Variants in KIAA1191 observed in about 807,000 individuals in gnomAD.
KIAA1191 encodes putative monooxygenase p33MONOX.
A neutral mutation model predicts 31.1 loss-of-function variants in KIAA1191; 22 were observed. The ratio of observed to expected loss-of-function variants is 0.71; its 90% CI spans 0.51 to 1.01. The LOEUF (loss-of-function observed/expected upper bound fraction) is 1.01, where lower values mean the gene tolerates loss of function less well. Ranked by LOEUF, KIAA1191 falls within the 50% of genes least tolerant of loss-of-function variation. The pLI is 0.00. For missense variants in KIAA1191, 319 were observed against 388.0 expected, an observed-to-expected ratio of 0.82 and a Z score of 1.49; for synonymous variants, 130 against 143.9, an observed-to-expected ratio of 0.90 and a Z score of 0.69.
chr5:176,350,968 A>G (rs1766940694), intron 5 of KIAA1191, among the ~76,000 whole-genome samples: 1 of 152,104 alleles, frequency 6.6e-6, no homozygotes, highest in Admixed American at 6.5e-5. Flanking sequence ...GTTATTCCTA[A>G]AGGGACAGCT....
intron 5 of KIAA1191, among the ~76,000 whole-genome samples, chr5:176,352,240 C>T (rs1282974004): frequency 1.3e-5 from 2 of 151,122 alleles, no homozygotes; most frequent in Non-Finnish European, 2.9e-5. Context: ...GAGCTTGAAA[C>T]AGTAACAGCA....
intron 1 of KIAA1191, among the ~76,000 whole-genome samples, chr5:176,360,574 G>C (rs1442016560): frequency 6.6e-6 from 1 of 152,006 alleles, no homozygotes. Context: ...ACCCAGGCGG[G>C]CAGATCACTT....
chr5:176,347,885 G>C, intron 8 of KIAA1191, 36 bp downstream of exon 8: 4 of 1,613,710 alleles, frequency 2.5e-6, no homozygotes, highest in Non-Finnish European at 2.5e-6. Flanking sequence ...TAAGATGTCT[G>C]CCATGCTGCT....
intron 3 of KIAA1191, among the ~76,000 whole-genome samples, chr5:176,358,641 G>C (rs1397604379): frequency 6.6e-6 from 1 of 152,070 alleles, no homozygotes; most frequent in African/African-American, 2.4e-5. Flanking sequence ...TTGAGCCCAG[G>C]AGGCGGAGGT....
At chr5:176,348,221 A>T (rs1561747871) in intron 7 of KIAA1191, 29 bp downstream of exon 7, 1 of 1,608,650 alleles carries the variant, frequency 6.2e-7, no homozygotes, top group Non-Finnish European at 8.5e-7. Context: ...AGCACGCAGG[A>T]ACTCGGAAGG....
Position 176,359,539 on chromosome 5 carries a change from T to C in KIAA1191, c.-31A>G. On this transcript the variant is annotated 5_prime_UTR_variant, in exon 3 of 9. Coordinates refer to ENST00000298569, the MANE Select transcript of KIAA1191 (RefSeq NM_020444.5). ...GACTGGGATCCAGGTGCTTTTTCTATACAGAATTCCGAGCTGAGTCCCTGC... is the reference window on the plus strand; with the variant it reads ...GACTGGGATCCAGGTGCTTTTTCTACACAGAATTCCGAGCTGAGTCCCTGC... 4 of 1,598,302 alleles carry C rather than the reference T, an allele frequency of 2.5e-6. No homozygotes were observed. The highest frequency in any genetic ancestry group is 3.4e-6 in the Non-Finnish European group (4 of 1,165,824).
intron 6 of KIAA1191, among the ~76,000 whole-genome samples, chr5:176,349,346 A>C (rs1766792398): frequency 6.6e-6 from 1 of 152,192 alleles, no homozygotes; most frequent in African/African-American, 2.4e-5. Flanking sequence ...GCAGTTTTTA[A>C]ACCTAGCCTG....
Position 176,347,528 on chromosome 5 carries a change from A to T in KIAA1191, c.*72T>A. 4 of 1,224,504 alleles carry T rather than the reference A, an allele frequency of 3.3e-6. No individual in the cohort carries two copies. The highest frequency in any genetic ancestry group is 4.4e-6 in the Non-Finnish European group (4 of 903,826). The allele number at this position is 1,224,504 out of a possible 1,614,324, so 75.9% of individuals were successfully genotyped here. A position where few individuals can be genotyped will look rare whatever the true frequency, so the allele number is the denominator to read the frequency against. The stretch of plus-strand genomic sequence containing the variant: ...TTAAGTTTTTAAATATACCTTTCCT[A>T]TGTCAAAGCCAAGGTAAAAGGGGAG... On this transcript the variant is annotated 3_prime_UTR_variant, in exon 9 of 9. Transcript: ENST00000298569.
chr5:176,351,077 T>C (rs1314299806), intron 5 of KIAA1191, among the ~76,000 whole-genome samples: 2 of 152,188 alleles, frequency 1.3e-5, no homozygotes, highest in Non-Finnish European at 2.9e-5. Context: ...ATGCAGTAGC[T>C]CACACCTGTA....
At chr5:176,356,002 C>G (rs1019215278) in intron 3 of KIAA1191, 7 of 430,444 alleles carry the variant, frequency 1.6e-5, no homozygotes, top group African/African-American at 1.4e-4. Context: ...TTTAGAGACA[C>G]AGTCTATGTT....
intron 5 of KIAA1191, 133 bp from the exon 6 acceptor site, chr5:176,350,870 C>T: frequency 9.2e-7 from 1 of 1,086,784 alleles, no homozygotes; most frequent in South Asian, 1.6e-5. Context: ...GGAGACTTTC[C>T]CCAGAGAGGC....
chr5:176,348,434 T>A, intron 6 of KIAA1191, 78 bp from the exon 7 acceptor site: 1 of 1,052,962 alleles, frequency 9.5e-7, no homozygotes, highest in Non-Finnish European at 1.4e-6. Context: ...CATAAAAAAT[T>A]TGGTTCGCAT....
At chr5:176,353,730 C>G (rs1767246830) in intron 4 of KIAA1191, 1 of 152,210 alleles carries the variant, frequency 6.6e-6, no homozygotes, top group African/African-American at 2.4e-5. Context: ...ATCAGCTGTT[C>G]CAGCTGAGGC....
At chr5:176,360,577 G>C (rs1767911558) in intron 1 of KIAA1191, among the ~76,000 whole-genome samples, 1 of 152,002 alleles carries the variant, frequency 6.6e-6, no homozygotes, top group Non-Finnish European at 1.5e-5. Flanking sequence ...CAGGCGGGCA[G>C]ATCACTTGAG....
intron 3 of KIAA1191, 107 bp downstream of exon 3, chr5:176,359,374 G>C: frequency 1.0e-6 from 1 of 980,670 alleles, no homozygotes; most frequent in East Asian, 2.4e-5. Context: ...TACTCGCTTG[G>C]TAGCAGAGAT....
rs1336461125 is a variant in KIAA1191 at position 176,346,425 on chromosome 5, C to T, written c.*1175G>A. ...CAGGCCCTGACCTGAACAAGGAAATCAAAGTAAGTTAACACCACTGGCTTC... is the reference window on the plus strand; with the variant it reads ...CAGGCCCTGACCTGAACAAGGAAATTAAAGTAAGTTAACACCACTGGCTTC... On this transcript the variant is annotated 3_prime_UTR_variant, in exon 9 of 9. Transcript: ENST00000298569. 29 of 152,226 alleles carry T rather than the reference C, an allele frequency of 1.9e-4. No individual in the cohort carries two copies. Among genetic ancestry groups the T allele is most frequent in the Admixed American group, 1.9e-3 (29 of 15,290 alleles). The allele number at this position is 152,226 out of a possible 1,614,324, so 9.4% of individuals were successfully genotyped here.
intron 3 of KIAA1191, among the ~76,000 whole-genome samples, chr5:176,356,691 A>T (rs1767532669): frequency 6.6e-6 from 1 of 152,164 alleles, no homozygotes; most frequent in African/African-American, 2.4e-5. Flanking sequence ...AGCCAAGTTC[A>T]TTGTGTTTCG....
chr5:176,351,762 CAA>C (rs1314345862), intron 5 of KIAA1191, among the ~76,000 whole-genome samples: 1 of 132,132 alleles, frequency 7.6e-6, no homozygotes, highest in African/African-American at 2.8e-5. Flanking sequence ...TGTCTCAAAA[CAA>C]AAAAAAAAAA....
At position 176,352,701 on chromosome 5, in the gene KIAA1191, T is replaced by C. The variant is rs1435394621; in HGVS notation, c.255A>G (p.Ser85=). The change falls in exon 5 of 9, where the codon TCA becomes TCG. Residue 85 remains serine, a synonymous_variant. Transcript: ENST00000298569. ...ASLPSPAMTL[S]SAIDSVDKVP... is the part of the protein sequence containing the mutation. ...CCTTGTCCACACTGTCAATGGCTGA[T>C]GACAGGGTCATGGCAGGGGAGGGTA... is the stretch of plus-strand genomic sequence containing the variant. 2 of 1,613,956 alleles carry C rather than the reference T, an allele frequency of 1.2e-6. No individual in the cohort carries two copies. Among genetic ancestry groups the C allele is most frequent in the Non-Finnish European group, 1.7e-6 (2 of 1,179,930 alleles).
Sources: gnomAD v4.1 joint callset for allele counts (sites outside exome capture counted in the v4.1 genomes callset) on GRCh38, gnomAD v4.1.1 for gene constraint, MANE v1.5 for transcripts, NCBI Gene and HGNC (gene_info 2026-07-23, HGNC 2026-07-21) for gene names.